The following EBF1 variants were observed in gnomAD, a reference collection of about 807,000 sequenced individuals.
EBF1 encodes transcription factor COE1.
EBF1 carries 10 observed loss-of-function variants against 68.4 expected under a neutral mutation model. The ratio of observed to expected loss-of-function variants is 0.15; its 90% CI spans 0.09 to 0.25. The LOEUF is 0.25. EBF1 is among the 10% of genes least tolerant of loss of function. The pLI is 1.00. For synonymous variants in EBF1, 298 were observed against 299.8 expected, an observed-to-expected ratio of 0.99 and a Z score of 0.06; for missense variants, 509 against 794.4, an observed-to-expected ratio of 0.64 and a Z score of 4.32.
At chr5:159,068,220 T>G (rs1347910933) in intron 6 of EBF1, among the ~76,000 whole-genome samples, 1 of 152,170 alleles carries the variant, frequency 6.6e-6, no homozygotes. Flanking sequence ...GAGGACTTTA[T>G]GTGGATGACA....
intron 6 of EBF1, among the ~76,000 whole-genome samples, chr5:158,992,076 G>C (rs932066340): frequency 6.6e-6 from 1 of 152,036 alleles, no homozygotes; most frequent in African/African-American, 2.4e-5. Context: ...AAGAGAGAAC[G>C]GATCTGAAAA....
chr5:158,959,113 T>C (rs1157264726), intron 6 of EBF1, among the ~76,000 whole-genome samples: 1 of 152,072 alleles, frequency 6.6e-6, no homozygotes, highest in Non-Finnish European at 1.5e-5. Context: ...GCTTGGAAAA[T>C]AACTTTCTTA....
At chr5:158,706,946 G>A (rs887104143) in intron 15 of EBF1, among the ~76,000 whole-genome samples, 1 of 152,190 alleles carries the variant, frequency 6.6e-6, no homozygotes, top group African/African-American at 2.4e-5. Flanking sequence ...AATAAATGGT[G>A]GTTGACTAGT....
chr5:158,949,680 A>C (rs1386412118), intron 6 of EBF1, among the ~76,000 whole-genome samples: 1 of 152,192 alleles, frequency 6.6e-6, no homozygotes, highest in Non-Finnish European at 1.5e-5. Context: ...AGATGTCTAT[A>C]TCTGCCTCTT....
At chr5:158,730,002 C>T (rs1763763898) in intron 11 of EBF1, among the ~76,000 whole-genome samples, 1 of 152,220 alleles carries the variant, frequency 6.6e-6, no homozygotes, top group African/African-American at 2.4e-5. Context: ...CGAACTGATA[C>T]TCCAAGGAGG....
At chr5:158,849,685 C>A (rs1484805044) in intron 6 of EBF1, among the ~76,000 whole-genome samples, 1 of 152,202 alleles carries the variant, frequency 6.6e-6, no homozygotes, top group South Asian at 2.1e-4. Flanking sequence ...CTGACTTAAA[C>A]TACCTGCAAA....
intron 7 of EBF1, among the ~76,000 whole-genome samples, chr5:158,831,362 C>T (rs763470418): frequency 1.6e-4 from 24 of 152,276 alleles, no homozygotes; most frequent in South Asian, 4.1e-4. Flanking sequence ...AGATGAGTCA[C>T]TTAGTCATAG....
intron 6 of EBF1, among the ~76,000 whole-genome samples, chr5:159,033,738 A>C (rs1194694393): frequency 6.6e-6 from 1 of 152,228 alleles, no homozygotes; most frequent in East Asian, 1.9e-4. Context: ...AAATGCATAA[A>C]ATGCCCTACA....
rs147618462 is a variant in EBF1 at position 158,868,631 on chromosome 5, C to T, written c.555-28521G>A. 2.9e-3 allele frequency among the ~76,000 whole-genome samples: 444 copies of T among 152,310 alleles called. 2 individuals carry two copies. The highest frequency in any genetic ancestry group is 0.01 in the African/African-American group (419 of 41,568). ...TGCTCAAGAAAATGGCTTCAAAGTA[C>T]GGTCTGGAGTCACACGTCACACAGC... On this transcript the variant is annotated intron_variant, in intron 6 of 15. Coordinates refer to ENST00000313708, the MANE Select transcript of EBF1 (RefSeq NM_024007.5).
chr5:159,051,127 T>C (rs1773556671), intron 6 of EBF1, among the ~76,000 whole-genome samples: 1 of 152,034 alleles, frequency 6.6e-6, no homozygotes, highest in South Asian at 2.1e-4. Flanking sequence ...AAGTAACCTA[T>C]GAAAAACTCA....
intron 10 of EBF1, among the ~76,000 whole-genome samples, chr5:158,764,319 C>T (rs1435075328): frequency 6.6e-6 from 1 of 152,200 alleles, no homozygotes; most frequent in Non-Finnish European, 1.5e-5. Context: ...CTACCACTAA[C>T]TGACAGACTT....
In EBF1 at chr5:159,052,113, A is replaced by G. The variant is rs181681227; in HGVS notation, c.554+21283T>C. On this transcript the variant is annotated intron_variant, in intron 6 of 15. Transcript: ENST00000313708. Reference sequence around the variant, plus strand: ...ACTAAACCTTATTTGAGAAGTATCTACCATGAACGCAATTTTGGAAAGGTG... The same window carrying G: ...ACTAAACCTTATTTGAGAAGTATCTGCCATGAACGCAATTTTGGAAAGGTG... Among the ~76,000 whole-genome samples, 134 of 152,282 alleles carry G rather than the reference A, an allele frequency of 8.8e-4. 1 individual carries two copies. The Middle Eastern group carries it at 0.01, about 12-fold the overall frequency.
intron 6 of EBF1, among the ~76,000 whole-genome samples, chr5:158,842,495 T>C (rs1790532434): frequency 6.6e-6 from 1 of 152,180 alleles, no homozygotes; most frequent in African/African-American, 2.4e-5. Context: ...CCACAGCCAT[T>C]AGAAACACCC....
intron 6 of EBF1, among the ~76,000 whole-genome samples, chr5:159,057,215 TC>T (rs1774940931): frequency 6.6e-6 from 1 of 150,494 alleles, no homozygotes; most frequent in South Asian, 2.1e-4. Flanking sequence ...CAAGTGATTC[TC>T]CTGCCTCAGC....
intron 8 of EBF1, among the ~76,000 whole-genome samples, chr5:158,811,369 C>T (rs146900150): frequency 9.8e-5 from 15 of 152,288 alleles, no homozygotes; most frequent in African/African-American, 3.4e-4. Flanking sequence ...CTCTCCACGT[C>T]TGAAGTCCAA....
At chr5:158,767,583 T>C (rs1294012292) in intron 10 of EBF1, among the ~76,000 whole-genome samples, 2 of 148,208 alleles carry the variant, frequency 1.3e-5, no homozygotes, top group African/African-American at 5.0e-5. Flanking sequence ...AGGCTAATAA[T>C]AGGGCTTGTC....
intron 6 of EBF1, among the ~76,000 whole-genome samples, chr5:158,968,948 T>C (rs1427797776): frequency 6.6e-6 from 1 of 152,234 alleles, no homozygotes; most frequent in African/African-American, 2.4e-5. Context: ...TTGCTTCTTG[T>C]AAGTAATTCT....
rs768435966 is a variant in EBF1, at chr5:158,698,075, G to A, written c.*1036C>T. 2.3e-5 allele frequency: 5 copies of A among 216,994 alleles called. No individual in the cohort carries two copies. Among genetic ancestry groups the A allele is most frequent in the Admixed American group, 5.8e-5 (1 of 17,174 alleles). 13.4% of individuals were successfully genotyped at this position (216,994 alleles called of 1,614,324 possible). A position where few individuals can be genotyped will look rare whatever the true frequency, so the allele number is the denominator to read the frequency against. On this transcript the variant is annotated 3_prime_UTR_variant, in exon 16 of 16. Coordinates refer to ENST00000313708, the MANE Select transcript of EBF1 (RefSeq NM_024007.5). ...AGGCAGTATCTGGAATGGGAAAATCGAAAATACCTGCCACGTTGCTTTTAT... is the reference window on the plus strand; with the variant it reads ...AGGCAGTATCTGGAATGGGAAAATCAAAAATACCTGCCACGTTGCTTTTAT...
At chr5:158,916,005 C>T (rs2127385281) in intron 6 of EBF1, among the ~76,000 whole-genome samples, 1 of 152,232 alleles carries the variant, frequency 6.6e-6, no homozygotes, top group Middle Eastern at 3.4e-3. Context: ...CTTTTCATGC[C>T]TTCAACACCT....
Sources: allele counts gnomAD v4.1 joint callset (sites outside exome capture counted in the v4.1 genomes callset), GRCh38; gene constraint gnomAD v4.1.1; transcripts MANE v1.5; gene names NCBI Gene and HGNC (gene_info 2026-07-23, HGNC 2026-07-21).